Variants in MPP7 observed in about 807,000 individuals in gnomAD.
MPP7 encodes the protein MAGUK p55 subfamily member 7.
Under a neutral mutation model 76.5 loss-of-function variants are expected in MPP7, and 60 were observed. The ratio of observed to expected loss-of-function variants is 0.78; its 90% CI spans 0.64 to 0.97. The LOEUF is 0.97. Ranked by LOEUF, MPP7 falls within the 50% of genes least tolerant of loss-of-function variation. The pLI is 0.00. For synonymous variants in MPP7, 237 were observed against 244.5 expected (o/e 0.97, Z 0.29); for missense variants, 641 against 694.0 (o/e 0.92, Z 0.86).
intron 2 of MPP7, among the ~76,000 whole-genome samples, chr10:28,311,009 C>T (rs971973524): frequency 2.0e-5 from 3 of 151,684 alleles, no homozygotes; most frequent in Non-Finnish European, 4.4e-5. Flanking sequence ...ATGTCAGGGG[C>T]TTTGACTTAT....
intron 3 of MPP7, among the ~76,000 whole-genome samples, chr10:28,152,714 A>T (rs1788317386): frequency 6.6e-6 from 1 of 152,164 alleles, no homozygotes; most frequent in Non-Finnish European, 1.5e-5. Context: ...CTTGGAGAAC[A>T]TGACATAACT....
intron 3 of MPP7, among the ~76,000 whole-genome samples, chr10:28,151,209 C>T (rs1835872882): frequency 2.0e-5 from 3 of 152,146 alleles, no homozygotes; most frequent in Admixed American, 6.5e-5. Context: ...ACCCAGTACA[C>T]AATGTAAAGC....
intron 11 of MPP7, among the ~76,000 whole-genome samples, chr10:28,096,792 T>A (rs999792434): frequency 6.6e-6 from 1 of 152,178 alleles, no homozygotes; most frequent in Non-Finnish European, 1.5e-5. Context: ...CATGTAATCA[T>A]GATGAAATCA....
At chr10:28,149,837 G>A (rs1269424189) in intron 4 of MPP7, 145 bp downstream of exon 4, 9 of 522,468 alleles carry the variant, frequency 1.7e-5, no homozygotes, top group Non-Finnish European at 2.0e-5. Context: ...CATAAGCTCA[G>A]TGATGACAGG....
chr10:28,212,683 A>T (rs1328974013), intron 2 of MPP7, among the ~76,000 whole-genome samples: 2 of 152,180 alleles, frequency 1.3e-5, no homozygotes, highest in Non-Finnish European at 2.9e-5. Flanking sequence ...TGCAGAAGAG[A>T]GGAGGGACCA....
chr10:28,202,589 A>G (rs1423992014), intron 2 of MPP7, among the ~76,000 whole-genome samples: 1 of 152,220 alleles, frequency 6.6e-6, no homozygotes, highest in Non-Finnish European at 1.5e-5. Flanking sequence ...TCCTTTCCTT[A>G]ATCATTATTA....
chr10:28,278,228 T>C (rs1224960807), intron 1 of MPP7, among the ~76,000 whole-genome samples: 1 of 152,060 alleles, frequency 6.6e-6, no homozygotes, highest in African/African-American at 2.4e-5. Context: ...CTCCTATGTA[T>C]GTTAGTACAA....
At chr10:28,205,701 G>C (rs577226168) in intron 2 of MPP7, among the ~76,000 whole-genome samples, 1 of 152,098 alleles carries the variant, frequency 6.6e-6, no homozygotes, top group Admixed American at 6.6e-5. Context: ...AGAGTGCTGC[G>C]GCAATGGCAA....
Position 28,057,703 on chromosome 10 carries a change from C to G in MPP7, c.1407+792G>C, listed in dbSNP as rs1851616990. 1.3e-5 allele frequency: 16 copies of G among 1,258,330 alleles called. No homozygotes were observed. In the South Asian group the frequency reaches 1.9e-4, roughly 15 times the overall value. 77.9% of individuals were successfully genotyped at this position (1,258,330 alleles called of 1,614,324 possible). ...CAAGGGACTAACACAGTGCCCAAGT[C>G]AGGAGGCAGCCTTCCTGATTCTTGA... On this transcript the variant is annotated intron_variant, in intron 15 of 16. Transcript: ENST00000683449.
chr10:28,079,349 CA>C (rs894150049), intron 12 of MPP7, among the ~76,000 whole-genome samples: 182 of 143,102 alleles, frequency 1.3e-3, no homozygotes, highest in African/African-American at 2.4e-3. Context: ...ACATATACCA[CA>C]AAAAAAAAAA....
intron 3 of MPP7, among the ~76,000 whole-genome samples, chr10:28,174,805 A>C (rs1836803689): frequency 6.6e-6 from 1 of 152,248 alleles, no homozygotes; most frequent in African/African-American, 2.4e-5. Flanking sequence ...GCATTACCAA[A>C]GTGGTCAAAA....
chr10:28,314,512 T>C (rs1249201342), intron 2 of MPP7, among the ~76,000 whole-genome samples: 1 of 152,202 alleles, frequency 6.6e-6, no homozygotes, highest in Non-Finnish European at 1.5e-5. Context: ...CTTCCGCGTA[T>C]GTTCACTAAA....
At chr10:28,105,196 G>T (rs1039446149) in intron 11 of MPP7, among the ~76,000 whole-genome samples, 39 of 131,128 alleles carry the variant, frequency 3.0e-4, no homozygotes, top group Admixed American at 7.1e-4. Context: ...CCCTGTCAAA[G>T]CCAGGTAGGC....
rs1404451146 is a variant in MPP7 at position 28,052,927 on chromosome 10, A to G, written c.*1138T>C. On this transcript the variant is annotated 3_prime_UTR_variant, in exon 17 of 17. Transcript: ENST00000683449. ...GAATTATATAATTCACTTGCTGAAA[A>G]TCAGTAGTATCAAAGAAAAGTGAGA... The G allele has an allele frequency of 1.3e-5, 2 of 152,192 alleles. No homozygotes were observed. Among genetic ancestry groups the G allele is most frequent in the Non-Finnish European group, 2.9e-5 (2 of 68,022 alleles). The allele number at this position is 152,192 out of a possible 1,614,324, so 9.4% of individuals were successfully genotyped here.
chr10:28,059,061 G>C (rs1851675705), intron 14 of MPP7, among the ~76,000 whole-genome samples: 2 of 152,008 alleles, frequency 1.3e-5, no homozygotes, highest in Non-Finnish European at 2.9e-5. Context: ...CGCCAAACAC[G>C]AAAAAAGCAT....
chr10:28,155,606 A>AAAAAAAG (rs986887265), intron 3 of MPP7, among the ~76,000 whole-genome samples: 5 of 150,646 alleles, frequency 3.3e-5, no homozygotes, highest in African/African-American at 9.9e-5. Context: ...TCCAAAAAAA[A>AAAAAAAG]AAAGAAAGAA....
intron 5 of MPP7, among the ~76,000 whole-genome samples, chr10:28,143,041 AAGTTAAAAT>A (rs1360784359): frequency 6.6e-6 from 1 of 152,230 alleles, no homozygotes; most frequent in Non-Finnish European, 1.5e-5. Flanking sequence ...GTTCGTCTGT[AAGTTAAAAT>A]AGGTAATTTT....
chr10:28,173,700 G>A (rs541174179), intron 3 of MPP7, among the ~76,000 whole-genome samples: 1 of 152,088 alleles, frequency 6.6e-6, no homozygotes, highest in African/African-American at 2.4e-5. Context: ...CCATTCTTAA[G>A]TAGCAAATAT....
At chr10:28,275,428 A>G (rs986268846) in intron 1 of MPP7, among the ~76,000 whole-genome samples, 2 of 121,224 alleles carry the variant, frequency 1.6e-5, no homozygotes, top group Non-Finnish European at 3.6e-5. Flanking sequence ...TTTTTTTCAT[A>G]CAGAGTCTCG....
Sources: allele counts gnomAD v4.1 joint callset (sites outside exome capture counted in the v4.1 genomes callset), GRCh38; gene constraint gnomAD v4.1.1; transcripts MANE v1.5; gene names NCBI Gene and HGNC (gene_info 2026-07-23, HGNC 2026-07-21).